EXOC4: variants seen among roughly 807,000 people sequenced by gnomAD.
EXOC4 encodes the protein exocyst complex component 4.
Under a neutral mutation model 107.2 loss-of-function variants are expected in EXOC4, and 71 were observed. The ratio of observed to expected loss-of-function variants is 0.66; its 90% CI spans 0.55 to 0.81. The LOEUF (loss-of-function observed/expected upper bound fraction) is 0.81. Among genes scored for constraint, EXOC4 ranks in the 30% least tolerant of loss-of-function variants. EXOC4 has a pLI of 0.00. For synonymous variants in EXOC4, 456 were observed against 441.2 expected (o/e 1.03, Z -0.42); for missense variants, 1,108 against 1,189.6 (o/e 0.93, Z 1.01).
At chr7:133,954,208 G>A (rs1308490492) in intron 14 of EXOC4, among the ~76,000 whole-genome samples, 2 of 152,186 alleles carry the variant, frequency 1.3e-5, no homozygotes, top group African/African-American at 4.8e-5. Context: ...ACTGTTCCTG[G>A]TGGGGATCTT....
chr7:133,470,779 C>A (rs1798855709), intron 7 of EXOC4, among the ~76,000 whole-genome samples: 2 of 152,172 alleles, frequency 1.3e-5, no homozygotes, highest in East Asian at 3.8e-4. Flanking sequence ...GGATCCTGCA[C>A]ATTTTCTGTA....
chr7:133,964,315 CTT>C (rs1343764680), intron 14 of EXOC4, among the ~76,000 whole-genome samples: 6 of 151,976 alleles, frequency 3.9e-5, no homozygotes, highest in Non-Finnish European at 8.8e-5. Context: ...ATATTTTTCT[CTT>C]GAGTTTTTTT....
At chr7:133,342,587 A>C (rs1294537496) in intron 5 of EXOC4, among the ~76,000 whole-genome samples, 5 of 152,024 alleles carry the variant, frequency 3.3e-5, no homozygotes. Flanking sequence ...GGCCAGGGAA[A>C]TTTTCCTTGA....
intron 1 of EXOC4, 118 bp downstream of exon 1, chr7:133,253,305 C>G (rs1794935356): frequency 6.9e-7 from 1 of 1,439,418 alleles, no homozygotes; most frequent in Admixed American, 2.8e-5. Context: ...TTGCCTCCCG[C>G]AGCCCCTCCC....
At chr7:133,857,461 G>C (rs890194065) in intron 11 of EXOC4, among the ~76,000 whole-genome samples, 1 of 127,222 alleles carries the variant, frequency 7.9e-6, no homozygotes, top group Admixed American at 9.1e-5. Context: ...GGCTGGCGGC[G>C]CCTCTGCTTG....
intron 5 of EXOC4, among the ~76,000 whole-genome samples, chr7:133,339,856 A>G (rs183884431): frequency 7.9e-5 from 12 of 152,214 alleles, no homozygotes; most frequent in Non-Finnish European, 1.3e-4. Flanking sequence ...GTGTACATTG[A>G]TTTTGTACTC....
intron 10 of EXOC4, among the ~76,000 whole-genome samples, chr7:133,653,434 T>C (rs1024112215): frequency 2.0e-5 from 3 of 152,250 alleles, no homozygotes; most frequent in Non-Finnish European, 4.4e-5. Flanking sequence ...TTTGTTAAAG[T>C]GTACAGGACC....
intron 9 of EXOC4, among the ~76,000 whole-genome samples, chr7:133,503,380 C>G (rs758365715): frequency 1.3e-5 from 2 of 152,184 alleles, no homozygotes; most frequent in Non-Finnish European, 2.9e-5. Flanking sequence ...TGGCATTTTT[C>G]TCTCTAAAGC....
chr7:133,354,862 A>C (rs1795989300), intron 5 of EXOC4, among the ~76,000 whole-genome samples: 1 of 152,144 alleles, frequency 6.6e-6, no homozygotes, highest in Admixed American at 6.6e-5. Context: ...TGGAAGTTGC[A>C]AGCCTTCCAT....
At chr7:133,983,929 G>A (rs963984773) in intron 14 of EXOC4, among the ~76,000 whole-genome samples, 2 of 152,102 alleles carry the variant, frequency 1.3e-5, no homozygotes, top group African/African-American at 4.8e-5. Flanking sequence ...AGCTGAATTG[G>A]CCACACCATA....
intron 9 of EXOC4, among the ~76,000 whole-genome samples, chr7:133,613,163 AAT>A (rs1463922935): frequency 1.3e-5 from 2 of 152,138 alleles, no homozygotes; most frequent in African/African-American, 2.4e-5. Flanking sequence ...TTTATTAGAA[AAT>A]ATATGACTCT....
intron 7 of EXOC4, among the ~76,000 whole-genome samples, chr7:133,424,729 A>C (rs1013207116): frequency 6.6e-6 from 1 of 152,246 alleles, no homozygotes; most frequent in African/African-American, 2.4e-5. Context: ...GTTTAGCACT[A>C]TGAATAGAGT....
chr7:133,338,389 C>T (rs187215279), intron 5 of EXOC4, among the ~76,000 whole-genome samples: 3,134 of 149,492 alleles, frequency 0.021, 110 homozygotes, highest in African/African-American at 0.072. Flanking sequence ...GTCAGGAGAT[C>T]GAGACCATCC....
At chr7:133,448,353 A>G (rs1266988350) in intron 7 of EXOC4, among the ~76,000 whole-genome samples, 2 of 151,986 alleles carry the variant, frequency 1.3e-5, no homozygotes, top group Admixed American at 6.6e-5. Flanking sequence ...ACTGGAATAC[A>G]GTGGTGCGAT....
chr7:133,320,925 T>C (rs1384790894), intron 5 of EXOC4, among the ~76,000 whole-genome samples: 1 of 152,234 alleles, frequency 6.6e-6, no homozygotes, highest in African/African-American at 2.4e-5. Flanking sequence ...TGTCTTATTC[T>C]TAATAATAAA....
At chr7:133,545,113 C>G (rs1448422043) in intron 9 of EXOC4, among the ~76,000 whole-genome samples, 1 of 151,838 alleles carries the variant, frequency 6.6e-6, no homozygotes, top group Non-Finnish European at 1.5e-5. Context: ...ATTTCTCTGC[C>G]AAATACTCAT....
intron 9 of EXOC4, among the ~76,000 whole-genome samples, chr7:133,595,646 T>A (rs1209408379): frequency 3.3e-5 from 5 of 152,240 alleles, no homozygotes; most frequent in Non-Finnish European, 7.3e-5. Context: ...ATCCCCATTT[T>A]ACTGATATGG....
At position 134,004,961 on chromosome 7, in the gene EXOC4, G is replaced by A. The variant is rs1358001127; in HGVS notation, c.2398G>A (p.Ala800Thr). Residue 800 changes from alanine to threonine, a missense_variant, in exon 16 of 18, where the codon GCC becomes ACC. Transcript: ENST00000253861. ...CCCTCTTGCAAAGGAGGGGAACTAT[G>A]CCATTGTGGCTAATGTGGAAAGTAT... ...LIPLAKEGNY[A>T]IVANVESMDY... is the part of the protein sequence containing the mutation. 5 of 1,613,492 alleles carry A rather than the reference G, an allele frequency of 3.1e-6. No individual in the cohort carries two copies. The highest frequency in any genetic ancestry group is 4.5e-5 in the East Asian group (2 of 44,868).
intron 5 of EXOC4, among the ~76,000 whole-genome samples, chr7:133,324,189 GT>G (rs940363109): frequency 9.9e-5 from 15 of 152,014 alleles, no homozygotes; most frequent in East Asian, 3.9e-4. Flanking sequence ...TTTTTGAAGG[GT>G]TTTTTTGGTC....
Sources: allele counts gnomAD v4.1 joint callset (sites outside exome capture counted in the v4.1 genomes callset), GRCh38; gene constraint gnomAD v4.1.1; transcripts MANE v1.5; gene names NCBI Gene and HGNC (gene_info 2026-07-23, HGNC 2026-07-21).